The following LYPD6B variants were observed in gnomAD, a reference collection of about 807,000 sequenced individuals.
LYPD6B encodes the protein ly6/PLAUR domain-containing protein 6B.
In LYPD6B, 17 loss-of-function variants were observed where a neutral mutation model predicts 22.8. That is an observed-to-expected ratio of 0.75 (90% confidence interval 0.51 to 1.12). The LOEUF is 1.12. Among genes scored for constraint, LYPD6B ranks in the 50% most tolerant of loss-of-function variants. The pLI, the probability that LYPD6B is intolerant of heterozygous loss-of-function variation, is 0.00. For missense variants in LYPD6B, 221 were observed against 258.3 expected (o/e 0.86, Z 0.99); for synonymous variants, 106 against 91.6 (o/e 1.16, Z -0.90).
chr2:149,095,583 G>A (rs1056114682), intron 1 of LYPD6B, among the ~76,000 whole-genome samples: 16 of 152,302 alleles, frequency 1.1e-4, no homozygotes, highest in African/African-American at 3.9e-4. Context: ...TGCTGAAGCT[G>A]TTGGATTCTT....
chr2:149,113,553 A>G (rs1313537458), intron 1 of LYPD6B, among the ~76,000 whole-genome samples: 1 of 152,130 alleles, frequency 6.6e-6, no homozygotes, highest in Non-Finnish European at 1.5e-5. Context: ...TACCAGGGGG[A>G]ACAATATTAA....
Position 149,153,845 on chromosome 2 carries a change from C to G in LYPD6B, c.6-6919C>G, listed in dbSNP as rs926672012. 2.6e-5 allele frequency among the ~76,000 whole-genome samples: 4 copies of G among 151,790 alleles called. No individual in the cohort carries two copies. In the East Asian group the frequency reaches 7.8e-4, roughly 29 times the overall value. On this transcript the variant is annotated intron_variant, in intron 2 of 6. Transcript: ENST00000409642. ...TGATCCAAGCTGGGGCCAGGGTGAT[C>G]GTGACGGCAGGCATGGAAAAGAGAG...
intron 3 of LYPD6B, chr2:149,187,745 G>T: frequency 2.4e-6 from 1 of 422,508 alleles, no homozygotes; most frequent in Non-Finnish European, 4.2e-6. Context: ...CTGAAAAAAA[G>T]AAGTGCAAAA....
intron 2 of LYPD6B, among the ~76,000 whole-genome samples, chr2:149,159,485 G>A (rs1002347518): frequency 6.6e-6 from 1 of 151,742 alleles, no homozygotes; most frequent in Admixed American, 6.6e-5. Flanking sequence ...TCTCTACATA[G>A]TATATATGTT....
intron 1 of LYPD6B, among the ~76,000 whole-genome samples, chr2:149,047,132 T>C (rs1178351917): frequency 6.6e-6 from 1 of 152,224 alleles, no homozygotes; most frequent in Non-Finnish European, 1.5e-5. Context: ...TTGTTTGATT[T>C]TCATTTATAT....
chr2:149,047,178 T>G (rs2105268747), intron 1 of LYPD6B, among the ~76,000 whole-genome samples: 1 of 151,480 alleles, frequency 6.6e-6, no homozygotes. Context: ...TAGATCCAAG[T>G]TTTGGTCTGG....
In LYPD6B at chr2:149,214,817, T is replaced by A; in HGVS notation, c.*107T>A. On this transcript the variant is annotated 3_prime_UTR_variant, in exon 7 of 7. Transcript: ENST00000409642. Reference sequence around the variant, plus strand: ...GATCAATCTTGCACTTGGTGAAGAGTGCACATTGGACCTCAAGGCGAAAGC... The same window carrying A: ...GATCAATCTTGCACTTGGTGAAGAGAGCACATTGGACCTCAAGGCGAAAGC... 1 of 1,205,650 alleles carries A rather than the reference T, an allele frequency of 8.3e-7. No individual in the cohort carries two copies. Among genetic ancestry groups the A allele is most frequent in the Admixed American group, 1.8e-5 (1 of 56,740 alleles). The allele number at this position is 1,205,650 out of a possible 1,614,324, so 74.7% of individuals were successfully genotyped here.
At chr2:149,048,391 G>C (rs1344609951) in intron 1 of LYPD6B, among the ~76,000 whole-genome samples, 1 of 152,172 alleles carries the variant, frequency 6.6e-6, no homozygotes. Flanking sequence ...GTGATGCCTT[G>C]TATTTAGGGT....
chr2:149,205,207 G>C, intron 3 of LYPD6B, 46 bp from the exon 4 acceptor site: 1 of 1,562,796 alleles, frequency 6.4e-7, no homozygotes, highest in East Asian at 2.3e-5. Context: ...CAAACCCACT[G>C]ATGTAAAATA....
chr2:149,177,910 A>G (rs1382213729), intron 3 of LYPD6B, among the ~76,000 whole-genome samples: 1 of 146,374 alleles, frequency 6.8e-6, no homozygotes, highest in African/African-American at 2.5e-5. Flanking sequence ...AGCACTTATT[A>G]TATGCTAGGC....
intron 1 of LYPD6B, among the ~76,000 whole-genome samples, chr2:149,082,085 C>A (rs1160851519): frequency 6.6e-6 from 1 of 152,162 alleles, no homozygotes; most frequent in East Asian, 1.9e-4. Flanking sequence ...GATTCAAATG[C>A]CTAACTTCCT....
rs373317284 is a variant in LYPD6B, at chr2:149,214,621, G to A, written c.535G>A (p.Val179Ile). Residue 179 changes from valine to isoleucine, a missense_variant, in exon 7 of 7, where the codon GTA (valine) becomes ATA (isoleucine). Coordinates refer to ENST00000409642, the MANE Select transcript of LYPD6B (RefSeq NM_177964.5). Reference protein sequence around the residue: ...PTNHTNAVFAVMHAQRTSGSS... With the variant: ...PTNHTNAVFAIMHAQRTSGSS... ...CAATCACACTAATGCAGTGTTTGCC[G>A]TAATGCACGCTCAGAGAACATCTGG... The A allele has an allele frequency of 3.4e-5, 55 of 1,613,714 alleles. No homozygotes were observed. The highest frequency in any genetic ancestry group is 2.3e-4 in the Admixed American group (14 of 59,998).
intron 1 of LYPD6B, among the ~76,000 whole-genome samples, chr2:149,072,781 C>T (rs1346926371): frequency 6.6e-6 from 1 of 151,968 alleles, no homozygotes; most frequent in Non-Finnish European, 1.5e-5. Context: ...AAGTGATCTG[C>T]CCAGCTTGGT....
intron 1 of LYPD6B, among the ~76,000 whole-genome samples, chr2:149,046,727 T>G (rs892441824): frequency 6.6e-6 from 1 of 152,186 alleles, no homozygotes; most frequent in Non-Finnish European, 1.5e-5. Context: ...AATTAGAGTC[T>G]ACTTTCAAGT....
chr2:149,101,840 A>G (rs1030934540), intron 1 of LYPD6B, among the ~76,000 whole-genome samples: 1 of 152,258 alleles, frequency 6.6e-6, no homozygotes, highest in Admixed American at 6.5e-5. Context: ...TATCAGAGGC[A>G]GGAACTCTGA....
chr2:149,166,656 C>A (rs878949304), intron 3 of LYPD6B, among the ~76,000 whole-genome samples: 3 of 152,162 alleles, frequency 2.0e-5, no homozygotes, highest in African/African-American at 7.2e-5. Context: ...CCTTCTGACA[C>A]CCTCATCGTC....
chr2:149,098,215 ACTTAAATTTT>A (rs35497680), intron 1 of LYPD6B, among the ~76,000 whole-genome samples: 41,706 of 151,784 alleles, frequency 0.27, 6,052 homozygotes, highest in East Asian at 0.53. Context: ...AATCTCTAAG[ACTTAAATTTT>A]CTTAAGTTTC....
chr2:149,212,021 A>G (rs1213072964), intron 5 of LYPD6B, among the ~76,000 whole-genome samples: 1 of 152,050 alleles, frequency 6.6e-6, no homozygotes, highest in Admixed American at 6.6e-5. Context: ...AGGAAAAAAA[A>G]TGGAAATACA....
intron 1 of LYPD6B, among the ~76,000 whole-genome samples, chr2:149,048,897 A>T (rs771944407): frequency 2.6e-5 from 4 of 152,144 alleles, no homozygotes; most frequent in Non-Finnish European, 5.9e-5. Context: ...CTCAGCCCTT[A>T]CTTGGGAAGC....
Sources: gnomAD v4.1 joint callset for allele counts (sites outside exome capture counted in the v4.1 genomes callset) on GRCh38, gnomAD v4.1.1 for gene constraint, MANE v1.5 for transcripts, NCBI Gene and HGNC (gene_info 2026-07-23, HGNC 2026-07-21) for gene names.